DAAM2: variants seen among roughly 807,000 people sequenced by gnomAD.
The protein encoded by DAAM2 is dishevelled associated activator of morphogenesis 2, also known as disheveled-associated activator of morphogenesis 2.
Under a neutral mutation model 120.7 loss-of-function variants are expected in DAAM2, and 39 were observed. The ratio of observed to expected loss-of-function variants is 0.32; its 90% CI spans 0.25 to 0.42. DAAM2 has a LOEUF of 0.42. Among genes scored for constraint, DAAM2 ranks in the 10% least tolerant of loss-of-function variants. DAAM2 has a pLI of 1.00. For missense variants in DAAM2, 1,283 were observed against 1,401.7 expected (o/e 0.92, Z 1.35); for synonymous variants, 488 against 524.9 (o/e 0.93, Z 0.96).
chr6:39,862,470 A>T lies in DAAM2; in HGVS notation c.258+1453A>T, dbSNP rs575940023. ...ATTGATTTACTATGGAGTTCCCTTA[A>T]GTTGGTCTCTTCTACAGCTGCTAAA... On this transcript the variant is annotated intron_variant, in intron 3 of 24. Coordinates refer to ENST00000274867, the MANE Select transcript of DAAM2 (RefSeq NM_001201427.2). 3 of 152,240 alleles carry T rather than the reference A, an allele frequency of 2.0e-5. No individual in the cohort carries two copies. In the East Asian group the frequency reaches 5.8e-4, roughly 29 times the overall value. The allele number at this position is 152,240 out of a possible 1,614,324, so 9.4% of individuals were successfully genotyped here. A position where few individuals can be genotyped will look rare whatever the true frequency, so the allele number is the denominator to read the frequency against.
chr6:39,846,632 G>T (rs1344820109), intron 1 of DAAM2, among the ~76,000 whole-genome samples: 1 of 151,788 alleles, frequency 6.6e-6, no homozygotes, highest in African/African-American at 2.4e-5. Flanking sequence ...CCCCCGCTGG[G>T]CTACAGTTCT....
chr6:39,880,933 C>G (rs867001476), intron 14 of DAAM2, among the ~76,000 whole-genome samples: 1 of 152,162 alleles, frequency 6.6e-6, no homozygotes, highest in Non-Finnish European at 1.5e-5. Flanking sequence ...GTAGGCCAAC[C>G]GCTCTGCAGA....
intron 19 of DAAM2, among the ~76,000 whole-genome samples, chr6:39,893,257 C>T (rs1765848563): frequency 6.6e-6 from 1 of 152,202 alleles, no homozygotes; most frequent in African/African-American, 2.4e-5. Flanking sequence ...TGGCTGATGC[C>T]TATAATCCCA....
Position 39,887,582 on chromosome 6 carries a change from C to T in DAAM2, c.2050C>T (p.Leu684Phe). Reference sequence around the variant, plus strand: ...CCGGAGGGCCCAAAACTGCATCATCCTTCTTTCCAAGTATGTGCAAAAGAA... The same window carrying T: ...CCGGAGGGCCCAAAACTGCATCATCTTTCTTTCCAAGTATGTGCAAAAGAA... ...DGRRAQNCII[L>F]LSKLKLSNEE... Residue 684 changes from leucine to phenylalanine, a missense_variant, in exon 16 of 25, where the codon CTT becomes TTT. Leu to Phe is a conservative substitution (Grantham distance 22). Transcript: ENST00000274867. The T allele has an allele frequency of 6.2e-7, 1 of 1,612,302 alleles. No individual in the cohort carries two copies. The highest frequency in any genetic ancestry group is 1.3e-5 in the African/African-American group (1 of 75,014).
At chr6:39,801,922 A>G (rs1260551732) in intron 1 of DAAM2, among the ~76,000 whole-genome samples, 3 of 152,234 alleles carry the variant, frequency 2.0e-5, no homozygotes, top group African/African-American at 7.2e-5. Flanking sequence ...CAGTGGGAAG[A>G]TACGTCAATA....
At chr6:39,826,622 G>A (rs894274131) in intron 1 of DAAM2, among the ~76,000 whole-genome samples, 1 of 152,090 alleles carries the variant, frequency 6.6e-6, no homozygotes, top group East Asian at 1.9e-4. Context: ...CACCAGGCTA[G>A]TTTGTTTGCT....
At chr6:39,806,080 AG>A (rs1762002379) in intron 1 of DAAM2, among the ~76,000 whole-genome samples, 1 of 152,196 alleles carries the variant, frequency 6.6e-6, no homozygotes, top group Admixed American at 6.5e-5. Flanking sequence ...AGCCAGAGAC[AG>A]GGGACATATA....
At chr6:39,852,207 G>C (rs1763833646) in intron 1 of DAAM2, among the ~76,000 whole-genome samples, 1 of 152,200 alleles carries the variant, frequency 6.6e-6, no homozygotes. Context: ...AAGTCCACTT[G>C]GTTTCCTTGT....
intron 1 of DAAM2, among the ~76,000 whole-genome samples, chr6:39,795,483 G>C (rs1372965510): frequency 2.0e-5 from 3 of 152,150 alleles, no homozygotes; most frequent in South Asian, 2.1e-4. Flanking sequence ...CTGAGCTTCA[G>C]CTTCCTCATC....
At chr6:39,826,378 C>G (rs1290439846) in intron 1 of DAAM2, among the ~76,000 whole-genome samples, 2 of 152,100 alleles carry the variant, frequency 1.3e-5, no homozygotes, top group Admixed American at 1.3e-4. Flanking sequence ...GGGGCTGGGG[C>G]TATTCTAGGA....
chr6:39,836,308 C>G (rs530725555), intron 1 of DAAM2, among the ~76,000 whole-genome samples: 95 of 152,286 alleles, frequency 6.2e-4, no homozygotes, highest in African/African-American at 2.1e-3. Flanking sequence ...CTCCCCCCAG[C>G]CTTCCAGCCT....
chr6:39,901,704 C>T lies in DAAM2; in HGVS notation c.2983-109C>T, dbSNP rs1766495602. The T allele has an allele frequency of 1.8e-6, 2 of 1,109,520 alleles. No individual in the cohort carries two copies. The highest frequency in any genetic ancestry group is 1.6e-5 in the South Asian group (1 of 60,892). The allele number at this position is 1,109,520 out of a possible 1,614,324, so 68.7% of individuals were successfully genotyped here. On this transcript the variant is annotated intron_variant, in intron 24 of 24. Transcript: ENST00000274867. The surrounding 1 kb of genome is among the most constrained non-coding windows in gnomAD (Gnocchi z 4.5). Reference sequence around the variant, plus strand: ...AGGAAGAAAGTGGGGCCAACAGATACAGGCAGGCAGCATGACCATGGCCTA... The same window carrying T: ...AGGAAGAAAGTGGGGCCAACAGATATAGGCAGGCAGCATGACCATGGCCTA...
chr6:39,863,374 GA>G (rs1554179890), intron 3 of DAAM2, among the ~76,000 whole-genome samples: 1 of 152,124 alleles, frequency 6.6e-6, no homozygotes, highest in Non-Finnish European at 1.5e-5. Flanking sequence ...TTAACCATGT[GA>G]AGTCATAAAG....
chr6:39,849,947 G>C (rs1336474950), intron 1 of DAAM2, among the ~76,000 whole-genome samples: 1 of 152,154 alleles, frequency 6.6e-6, no homozygotes, highest in Non-Finnish European at 1.5e-5. Flanking sequence ...AGCATATAGG[G>C]AGCAATGTCC....
rs1409071289 is a variant in DAAM2, at chr6:39,902,991, C to G, written c.*954C>G. 1 of 152,282 alleles carries G rather than the reference C, an allele frequency of 6.6e-6. No individual in the cohort carries two copies. The highest frequency in any genetic ancestry group is 1.5e-5 in the Non-Finnish European group (1 of 68,082). 9.4% of individuals were successfully genotyped at this position (152,282 alleles called of 1,614,324 possible). On this transcript the variant is annotated 3_prime_UTR_variant, in exon 25 of 25. Transcript: ENST00000274867. ...CTCAGCAGAGGGCAGCACTTGAATG[C>G]TTAGCTCCATCCCATAGTTCTCTAC...
At position 39,878,596 on chromosome 6, in the gene DAAM2, A is replaced by G; in HGVS notation, c.1545+8A>G. On this transcript the variant is annotated splice_region_variant and intron_variant, in intron 13 of 24. Coordinates refer to ENST00000274867, the MANE Select transcript of DAAM2 (RefSeq NM_001201427.2). This position sits in a 1 kb window ranked among gnomAD's most constrained non-coding sequence, Gnocchi z 5.0. ...CAGCTCAGTGAACTCTCAGTATGCA[A>G]GCATCTCCCCCTTTACATAGTTGAG... The G allele has an allele frequency of 6.3e-7, 1 of 1,598,200 alleles. No individual in the cohort carries two copies. Among genetic ancestry groups the G allele is most frequent in the Non-Finnish European group, 8.5e-7 (1 of 1,173,002 alleles).
chr6:39,816,777 A>G (rs1762322290), intron 1 of DAAM2, among the ~76,000 whole-genome samples: 1 of 152,208 alleles, frequency 6.6e-6, no homozygotes, highest in Admixed American at 6.5e-5. Flanking sequence ...GCTTTTTCTC[A>G]AAGGCTCCAC....
At chr6:39,836,159 C>G (rs1186997635) in intron 1 of DAAM2, among the ~76,000 whole-genome samples, 2 of 152,152 alleles carry the variant, frequency 1.3e-5, no homozygotes, top group Non-Finnish European at 2.9e-5. Flanking sequence ...GACCTCCCCC[C>G]TGTGCAGAAG....
intron 1 of DAAM2, among the ~76,000 whole-genome samples, chr6:39,826,231 T>A (rs1762668279): frequency 6.6e-6 from 1 of 152,124 alleles, no homozygotes; most frequent in African/African-American, 2.4e-5. Context: ...GTCTCTGGTA[T>A]AACTAGTTCA....
Sources: allele counts gnomAD v4.1 joint callset (sites outside exome capture counted in the v4.1 genomes callset), GRCh38; gene constraint gnomAD v4.1.1; non-coding constraint Gnocchi (gnomAD v3.1); transcripts MANE v1.5; gene names NCBI Gene and HGNC (gene_info 2026-07-23, HGNC 2026-07-21).